Variants in NAV2 observed in about 807,000 individuals in gnomAD.
NAV2 encodes the protein helicase, APC down-regulated 1.
In NAV2, 54 loss-of-function variants were observed where a neutral mutation model predicts 223.2. That is an observed-to-expected ratio of 0.24 (90% CI 0.19 to 0.30). The LOEUF is 0.30. NAV2 is among the 10% of genes least tolerant of loss of function. The pLI is 1.00. For missense variants in NAV2, 2,806 were observed against 3,147.5 expected, an observed-to-expected ratio of 0.89 and a Z score of 2.60; for synonymous variants, 1,279 against 1,239.3, an observed-to-expected ratio of 1.03 and a Z score of -0.67.
Position 19,910,596 on chromosome 11 carries a change from T to C in NAV2, c.931+18002T>C, listed in dbSNP as rs951544179. ...ATAACTAGCCAGGCGCGGTGGCTTA[T>C]GCCTGTAATCCTAGCACTTTGGGAG... On this transcript the variant is annotated intron_variant, in intron 6 of 37. Transcript: ENST00000349880. Among the ~76,000 whole-genome samples the C allele has an allele frequency of 9.2e-5, 14 of 152,236 alleles. 1 individual carries two copies. Among genetic ancestry groups the C allele is most frequent in the African/African-American group, 3.4e-4 (14 of 41,470 alleles).
intron 22 of NAV2, among the ~76,000 whole-genome samples, chr11:20,074,570 G>A (rs1169674416): frequency 1.3e-5 from 2 of 152,070 alleles, no homozygotes; most frequent in Admixed American, 6.5e-5. Context: ...GGGAGTCTAA[G>A]TCTCTTTGTA....
At chr11:19,484,549 C>T (rs1590304375) in intron 1 of NAV2, among the ~76,000 whole-genome samples, 2 of 152,230 alleles carry the variant, frequency 1.3e-5, no homozygotes, top group African/African-American at 4.8e-5. Context: ...TTCTCCTAGA[C>T]CTTGGGATGA....
At chr11:19,479,334 G>A (rs184037176) in intron 1 of NAV2, among the ~76,000 whole-genome samples, 5 of 152,108 alleles carry the variant, frequency 3.3e-5, no homozygotes, top group East Asian at 1.9e-4. Flanking sequence ...GGACCTTTTC[G>A]GAGATTGCTT....
intron 4 of NAV2, among the ~76,000 whole-genome samples, chr11:19,876,076 A>G (rs1357146931): frequency 6.6e-6 from 1 of 152,104 alleles, no homozygotes; most frequent in African/African-American, 2.4e-5. Context: ...ACCAGGCTGG[A>G]GTGCAGTGTC....
chr11:19,643,792 G>C (rs57524888), intron 1 of NAV2, among the ~76,000 whole-genome samples: 1 of 152,178 alleles, frequency 6.6e-6, no homozygotes, highest in Admixed American at 6.5e-5. Context: ...CAGTGTAAAA[G>C]TGTTCCTATT....
intron 12 of NAV2, among the ~76,000 whole-genome samples, chr11:20,039,952 G>T (rs528132707): frequency 8.0e-4 from 122 of 152,318 alleles, no homozygotes; most frequent in African/African-American, 2.9e-3. Context: ...GGGGTGAGGA[G>T]GGGTGCCCCC....
chr11:19,738,209 C>T (rs1226957894), intron 1 of NAV2, among the ~76,000 whole-genome samples: 1 of 152,228 alleles, frequency 6.6e-6, no homozygotes, highest in Non-Finnish European at 1.5e-5. Context: ...AGAGTTCCCT[C>T]AGGGGGCCAG....
chr11:19,639,058 T>C (rs1046884882), intron 1 of NAV2, among the ~76,000 whole-genome samples: 69 of 152,302 alleles, frequency 4.5e-4, no homozygotes, highest in African/African-American at 1.6e-3. Flanking sequence ...AGAATTGACA[T>C]AGCAGGCTTA....
chr11:19,900,220 G>T (rs539851174), intron 6 of NAV2, among the ~76,000 whole-genome samples: 1 of 127,028 alleles, frequency 7.9e-6, no homozygotes, highest in African/African-American at 2.5e-5. Flanking sequence ...GGCTAAGTAG[G>T]CAGGATGGAT....
At chr11:20,023,583 G>A (rs2054719212) in intron 11 of NAV2, among the ~76,000 whole-genome samples, 1 of 152,152 alleles carries the variant, frequency 6.6e-6, no homozygotes, top group Admixed American at 6.6e-5. Flanking sequence ...GTGGCCCCAG[G>A]CAAGGGCTGC....
At position 19,880,080 on chromosome 11, in the gene NAV2, G is replaced by A. The variant is rs566014620; in HGVS notation, c.723G>A (p.Gln241=). 4 of 1,611,174 alleles carry A rather than the reference G, an allele frequency of 2.5e-6. No individual in the cohort carries two copies. In the African/African-American group the frequency reaches 4.0e-5, roughly 16 times the overall value. The part of the protein sequence containing the change: ...VTPQAPCQPH[Q]PAPHQQSKAQ... ...CCCAAGCCCCGTGCCAGCCTCACCA[G>A]CCAGCGCCACATCAGCAGTCAAAAG... The change falls in exon 5 of 38, where the codon CAG becomes CAA. Residue 241 remains glutamine (Q), a synonymous_variant. Transcript: ENST00000349880.
intron 3 of NAV2, among the ~76,000 whole-genome samples, chr11:19,859,037 A>C (rs185506176): frequency 1.1e-3 from 160 of 152,194 alleles, no homozygotes; most frequent in Non-Finnish European, 2.0e-3. Context: ...GTTACAGATG[A>C]CAAATCTAAG....
chr11:19,788,774 G>T (rs1340437504), intron 1 of NAV2, among the ~76,000 whole-genome samples: 1 of 152,090 alleles, frequency 6.6e-6, no homozygotes, highest in East Asian at 1.9e-4. Flanking sequence ...TTTGCCCATG[G>T]CATTCCCTTG....
chr11:19,938,007 G>A (rs1395289041), intron 7 of NAV2, among the ~76,000 whole-genome samples: 2 of 152,212 alleles, frequency 1.3e-5, no homozygotes, highest in Admixed American at 1.3e-4. Flanking sequence ...GCGAACTAAG[G>A]AAGGAGGAGA....
chr11:19,363,594 A>G (rs1311015994), intron 1 of NAV2, among the ~76,000 whole-genome samples: 2 of 152,138 alleles, frequency 1.3e-5, no homozygotes, highest in Admixed American at 6.5e-5. Context: ...TTCTTTTCCT[A>G]CACCAACCAA....
chr11:19,467,018 C>CACACACAGAGAG, intron 1 of NAV2, among the ~76,000 whole-genome samples: 1 of 82,448 alleles, frequency 1.2e-5, no homozygotes, highest in African/African-American at 4.0e-5. Flanking sequence ...CACACACACA[C>CACACACAGAGAG]AGAGAGAGAG....
At chr11:19,426,500 T>A (rs1212661164) in intron 1 of NAV2, among the ~76,000 whole-genome samples, 3 of 152,176 alleles carry the variant, frequency 2.0e-5, no homozygotes, top group Non-Finnish European at 2.9e-5. Context: ...TTTACAAAGA[T>A]ATTCCCTTGC....
At chr11:19,409,016 G>A (rs1850027263) in intron 1 of NAV2, among the ~76,000 whole-genome samples, 1 of 150,430 alleles carries the variant, frequency 6.6e-6, no homozygotes, top group Non-Finnish European at 1.5e-5. Flanking sequence ...GGTGGGGAGA[G>A]GGGGGCTCTT....
chr11:19,412,835 T>C (rs1365307218), intron 1 of NAV2, among the ~76,000 whole-genome samples: 2 of 152,210 alleles, frequency 1.3e-5, no homozygotes, highest in Non-Finnish European at 2.9e-5. Context: ...CAGAGGGGCC[T>C]GACCGTTAGA....
Sources: allele counts gnomAD v4.1 joint callset (sites outside exome capture counted in the v4.1 genomes callset), GRCh38; gene constraint gnomAD v4.1.1; transcripts MANE v1.5; gene names NCBI Gene and HGNC (gene_info 2026-07-23, HGNC 2026-07-21).